Variants in USP31 observed in about 807,000 individuals in gnomAD.
USP31 encodes the protein ubiquitin carboxyl-terminal hydrolase 31.
A neutral mutation model predicts 119.4 loss-of-function variants in USP31; 44 were observed. The observed-to-expected ratio is 0.37, with a 90% CI of 0.29 to 0.47. USP31 has a LOEUF of 0.47. USP31 is among the 20% of genes least tolerant of loss of function. The pLI is 0.99. For missense variants in USP31, 1,643 were observed against 1,730.2 expected, an observed-to-expected ratio of 0.95 and a Z score of 0.89; for synonymous variants, 749 against 705.6, an observed-to-expected ratio of 1.06 and a Z score of -0.97.
At chr16:23,083,169 TG>T (rs1262107026) in intron 11 of USP31, among the ~76,000 whole-genome samples, 1 of 152,158 alleles carries the variant, frequency 6.6e-6, no homozygotes, top group Non-Finnish European at 1.5e-5. Flanking sequence ...CTCTGGATAC[TG>T]GAATTATTTA....
Position 23,104,115 on chromosome 16 carries a change from T to C in USP31, c.1089+1326A>G, listed in dbSNP as rs1258919973. Among the ~76,000 whole-genome samples the C allele has an allele frequency of 6.6e-5, 10 of 152,302 alleles. No individual in the cohort carries two copies. The East Asian group carries it at 1.7e-3, about 26-fold the overall frequency. Reference sequence around the variant, plus strand: ...GCAAACCTGAACAAGTCACATGCCTTTTCTGAGCCTCTTTCAAATAAGGGA... The same window carrying C: ...GCAAACCTGAACAAGTCACATGCCTCTTCTGAGCCTCTTTCAAATAAGGGA... On this transcript the variant is annotated intron_variant, in intron 5 of 15. Coordinates refer to ENST00000219689, the MANE Select transcript of USP31 (RefSeq NM_020718.4).
At chr16:23,077,583 C>T (rs1900632224) in intron 13 of USP31, among the ~76,000 whole-genome samples, 1 of 152,160 alleles carries the variant, frequency 6.6e-6, no homozygotes, top group African/African-American at 2.4e-5. Context: ...ACCCCTCCTC[C>T]ATCTCTCCCT....
In USP31 at chr16:23,092,429, G is replaced by C. The variant is rs1901404802; in HGVS notation, c.1235-1625C>G. ...CAAGATAAAGCAAAATGTGGCCCCA[G>C]CTCCAGAGAACTTCACAGTGTGGTG... On this transcript the variant is annotated intron_variant, in intron 6 of 15. Transcript: ENST00000219689. 5.9e-5 allele frequency among the ~76,000 whole-genome samples: 9 copies of C among 152,238 alleles called. 1 individual carries two copies. In the South Asian group the frequency reaches 1.9e-3, roughly 32 times the overall value.
In USP31 at chr16:23,061,860, C is replaced by T. The variant is rs538146105; in HGVS notation, c.*6186G>A. 1.3e-5 allele frequency: 2 copies of T among 152,764 alleles called. No individual in the cohort carries two copies. Among genetic ancestry groups the T allele is most frequent in the South Asian group, 2.1e-4 (1 of 4,826 alleles). The allele number at this position is 152,764 out of a possible 1,614,324, so 9.5% of individuals were successfully genotyped here. On this transcript the variant is annotated 3_prime_UTR_variant, in exon 16 of 16. Coordinates refer to ENST00000219689, the MANE Select transcript of USP31 (RefSeq NM_020718.4). ...CAAGAAACGACTTATGTCAATGAGGCTTAAATTCAATTTTAACCAGTGGTG... is the reference window on the plus strand; with the variant it reads ...CAAGAAACGACTTATGTCAATGAGGTTTAAATTCAATTTTAACCAGTGGTG...
In USP31 at chr16:23,068,263, T is replaced by C; in HGVS notation, c.3842A>G (p.Gln1281Arg). 1.4e-5 allele frequency: 23 copies of C among 1,614,142 alleles called. No individual in the cohort carries two copies. The highest frequency in any genetic ancestry group is 1.9e-5 in the Non-Finnish European group (23 of 1,179,956). ...TCCCGTTGTATTTGCATTTGGCTGC[T>C]GGGAAGCTGGAGGCTGGTGGCCTCT... Reference protein sequence around the residue: ...AERGHQPPASQQPNANTTGKE... With the variant: ...AERGHQPPASRQPNANTTGKE... The change falls in exon 16 of 16, where the codon CAG becomes CGG. Residue 1281 changes from glutamine to arginine, a missense_variant. By Grantham distance (43) the Gln-to-Arg change is conservative. Around this residue, in one of 5 missense-constraint regions of USP31, gnomAD observed 699 missense variants for 650.9 expected, o/e 1.07. Coordinates refer to ENST00000219689, the MANE Select transcript of USP31 (RefSeq NM_020718.4).
At chr16:23,082,383 G>T in intron 12 of USP31, 55 bp downstream of exon 12, 1 of 1,606,246 alleles carries the variant, frequency 6.2e-7, no homozygotes, top group Non-Finnish European at 8.5e-7. Context: ...ATCAGCAGGG[G>T]GCATAAGAAA....
intron 1 of USP31, among the ~76,000 whole-genome samples, chr16:23,126,320 T>TA (rs71279502): frequency 0.01 from 1,108 of 107,134 alleles, 6 homozygotes; most frequent in Non-Finnish European, 0.012. Flanking sequence ...CCTGTCTCTT[T>TA]AAAAAAAAAA....
rs961494288 is a variant in USP31 at position 23,065,699 on chromosome 16, CTTTT to C, written c.*2343_*2346del. The C allele has an allele frequency of 2.0e-5, 3 of 146,520 alleles. No individual in the cohort carries two copies. Among genetic ancestry groups the C allele is most frequent in the Non-Finnish European group, 3.0e-5 (2 of 66,372 alleles). The allele number at this position is 146,520 out of a possible 1,614,324, so 9.1% of individuals were successfully genotyped here. A position where few individuals can be genotyped will look rare whatever the true frequency, so the allele number is the denominator to read the frequency against. On this transcript the variant is annotated 3_prime_UTR_variant, in exon 16 of 16. Transcript: ENST00000219689. ...AAAGGGATTTGTAGAAACGTTTTTC[CTTTT>C]TTTTTTTAAGTCACTAGACATCGTG...
chr16:23,105,163 A>C (rs978027038), intron 5 of USP31, among the ~76,000 whole-genome samples: 10 of 152,222 alleles, frequency 6.6e-5, no homozygotes, highest in African/African-American at 2.4e-4. Flanking sequence ...ATGATTTAAG[A>C]AGGGTTAAGT....
chr16:23,107,965 C>T (rs201563636), intron 2 of USP31, 81 bp downstream of exon 2: 21 of 1,479,756 alleles, frequency 1.4e-5, no homozygotes, highest in African/African-American at 2.8e-5. Flanking sequence ...ATTGTATTAA[C>T]GCAATGCAAC....
Position 23,102,360 on chromosome 16 carries a change from G to T in USP31, c.1193C>A (p.Thr398Asn). The stretch of plus-strand genomic sequence containing the variant: ...TCCTTCAGGCCTAAATATTTCGGGA[G>T]TCTCAAAGGCAAAAATGCAGTCGCT... Reference protein sequence around the residue: ...HESDCIFAFETPEIFRPEGIL... With the variant: ...HESDCIFAFENPEIFRPEGIL... The change falls in exon 6 of 16, where the codon ACT (threonine) becomes AAT (asparagine). Residue 398 changes from threonine to asparagine, a missense_variant. Around this residue, in one of 5 missense-constraint regions of USP31, gnomAD observed 219 missense variants for 226.4 expected, o/e 0.97. Coordinates refer to ENST00000219689, the MANE Select transcript of USP31 (RefSeq NM_020718.4). The T allele has an allele frequency of 6.2e-7, 1 of 1,614,032 alleles. No individual in the cohort carries two copies. The highest frequency in any genetic ancestry group is 8.5e-7 in the Non-Finnish European group (1 of 1,179,936).
chr16:23,137,282 A>C (rs761084001), intron 1 of USP31, among the ~76,000 whole-genome samples: 2 of 152,172 alleles, frequency 1.3e-5, no homozygotes, highest in Non-Finnish European at 1.5e-5. Flanking sequence ...TCAAAAACAA[A>C]TGGAAACTAA....
chr16:23,149,237 G>A lies in USP31; in HGVS notation c.34C>T (p.Pro12Ser). The A allele has an allele frequency of 5.3e-6, 6 of 1,123,518 alleles. No individual in the cohort carries two copies. The highest frequency in any genetic ancestry group is 6.5e-6 in the Non-Finnish European group (6 of 917,916). 69.6% of individuals were successfully genotyped at this position (1,123,518 alleles called of 1,614,324 possible). A position where few individuals can be genotyped will look rare whatever the true frequency, so the allele number is the denominator to read the frequency against. Residue 12 changes from proline to serine, a missense_variant, in exon 1 of 16, where the codon CCG becomes TCG. By Grantham distance (74) the Pro-to-Ser change is moderately conservative. Coordinates refer to ENST00000219689, the MANE Select transcript of USP31 (RefSeq NM_020718.4). Reference sequence around the variant, plus strand: ...TTCTCCTTCCCGCTCGCCGCCGCCGGCGGCCCGGACCCAGGCGCCGTTACC... The same window carrying A: ...TTCTCCTTCCCGCTCGCCGCCGCCGACGGCCCGGACCCAGGCGCCGTTACC... ...SKVTAPGSGP[P>S]AAASGKEKRS...
intron 6 of USP31, among the ~76,000 whole-genome samples, chr16:23,095,458 G>T (rs1003090663): frequency 2.6e-5 from 4 of 152,122 alleles, no homozygotes; most frequent in Non-Finnish European, 2.9e-5. Context: ...CCCCAACCTA[G>T]CAAGGCAGGC....
chr16:23,079,755 A>G, intron 13 of USP31, 191 bp downstream of exon 13: 1 of 539,188 alleles, frequency 1.9e-6, no homozygotes, highest in South Asian at 3.0e-5. Flanking sequence ...GGACGACCCA[A>G]CTCAGGAAAA....
At chr16:23,072,795 G>A (rs1900400216) in intron 14 of USP31, among the ~76,000 whole-genome samples, 1 of 152,150 alleles carries the variant, frequency 6.6e-6, no homozygotes. Context: ...ACTGTCTCAA[G>A]TAGACCTCAA....
Position 23,148,080 on chromosome 16 carries a change from G to C in USP31, c.633+558C>G, listed in dbSNP as rs75479681. ...AATAGCAGCAAATACACATGATATG[G>C]AAGTATTTTACTTATCAGGTTGAAC... is the stretch of plus-strand genomic sequence containing the variant. On this transcript the variant is annotated intron_variant, in intron 1 of 15. Coordinates refer to ENST00000219689, the MANE Select transcript of USP31 (RefSeq NM_020718.4). 3.5e-3 allele frequency among the ~76,000 whole-genome samples: 533 copies of C among 152,170 alleles called. 1 individual carries two copies. The highest frequency in any genetic ancestry group is 6.0e-3 in the Non-Finnish European group (410 of 67,998).
At chr16:23,117,306 A>G (rs1596723622) in intron 1 of USP31, among the ~76,000 whole-genome samples, 2 of 152,344 alleles carry the variant, frequency 1.3e-5, no homozygotes, top group African/African-American at 2.4e-5. Context: ...CTGCACTGCT[A>G]TAAGATTAGT....
At chr16:23,086,891 T>TC (rs1380147675) in intron 9 of USP31, among the ~76,000 whole-genome samples, 1 of 152,162 alleles carries the variant, frequency 6.6e-6, no homozygotes, top group African/African-American at 2.4e-5. Flanking sequence ...CTAACCCAAG[T>TC]CCTCCAGGGC....
Sources: allele counts gnomAD v4.1 joint callset (sites outside exome capture counted in the v4.1 genomes callset), GRCh38; gene constraint gnomAD v4.1.1; regional missense constraint gnomAD v4.1.1; transcripts MANE v1.5; gene names NCBI Gene and HGNC (gene_info 2026-07-23, HGNC 2026-07-21).